The following TRPM3 variants were observed in gnomAD, a reference collection of about 807,000 sequenced individuals.
TRPM3 encodes the protein long transient receptor potential channel 3.
Under a neutral mutation model 181.2 loss-of-function variants are expected in TRPM3, and 77 were observed. The ratio of observed to expected loss-of-function variants is 0.42; its 90% CI spans 0.35 to 0.51. The LOEUF (loss-of-function observed/expected upper bound fraction) is 0.51. Ranked by LOEUF, TRPM3 falls within the 20% of genes least tolerant of loss-of-function variation. The pLI is 0.01. For missense variants in TRPM3, 1,759 were observed against 2,196.7 expected, an observed-to-expected ratio of 0.80 and a Z score of 3.98; for synonymous variants, 745 against 796.4, an observed-to-expected ratio of 0.94 and a Z score of 1.09.
intron 1 of TRPM3, among the ~76,000 whole-genome samples, chr9:71,158,844 G>C (rs2076133719): frequency 6.6e-6 from 1 of 152,080 alleles, no homozygotes; most frequent in African/African-American, 2.4e-5. Context: ...CTGAAAGCAT[G>C]AATAGAACTA....
At chr9:70,555,761 T>C (rs2047539600) in intron 22 of TRPM3, among the ~76,000 whole-genome samples, 1 of 152,190 alleles carries the variant, frequency 6.6e-6, no homozygotes, top group Non-Finnish European at 1.5e-5. Context: ...TCGCACCTAC[T>C]CTACTCACTC....
At chr9:71,271,532 C>T (rs184665366) in intron 1 of TRPM3, among the ~76,000 whole-genome samples, 5 of 151,932 alleles carry the variant, frequency 3.3e-5, no homozygotes, top group Admixed American at 3.3e-4. Context: ...GGTGGCTCAT[C>T]GGCCTCAGAT....
At chr9:71,234,211 A>G (rs1371202548) in intron 1 of TRPM3, among the ~76,000 whole-genome samples, 1 of 152,210 alleles carries the variant, frequency 6.6e-6, no homozygotes, top group Non-Finnish European at 1.5e-5. Context: ...ACGTCCTTAC[A>G]ACATGGCAGT....
intron 1 of TRPM3, among the ~76,000 whole-genome samples, chr9:71,298,472 T>C (rs1230847768): frequency 9.4e-6 from 1 of 106,890 alleles, no homozygotes; most frequent in African/African-American, 3.4e-5. Flanking sequence ...TAATCTGGTC[T>C]TTTTTTTTTT....
intron 1 of TRPM3, among the ~76,000 whole-genome samples, chr9:71,311,751 G>T (rs1056494049): frequency 6.6e-6 from 1 of 151,572 alleles, no homozygotes; most frequent in Non-Finnish European, 1.5e-5. Flanking sequence ...ATTGTCTTGG[G>T]CCACATATCA....
At chr9:70,643,991 G>A (rs1318241977) in intron 9 of TRPM3, among the ~76,000 whole-genome samples, 1 of 152,204 alleles carries the variant, frequency 6.6e-6, no homozygotes, top group Non-Finnish European at 1.5e-5. Flanking sequence ...AGAATACTTT[G>A]TCTTGAGAGC....
At chr9:70,684,652 C>T (rs903522164) in intron 8 of TRPM3, among the ~76,000 whole-genome samples, 2 of 151,774 alleles carry the variant, frequency 1.3e-5, no homozygotes, top group African/African-American at 4.8e-5. Flanking sequence ...TCAATGTTGG[C>T]AGAGATGGAA....
intron 1 of TRPM3, among the ~76,000 whole-genome samples, chr9:71,226,663 G>A (rs1787776761): frequency 1.3e-5 from 2 of 151,752 alleles, no homozygotes; most frequent in African/African-American, 4.8e-5. Flanking sequence ...CATATATACA[G>A]ATATATATAT....
intron 1 of TRPM3, among the ~76,000 whole-genome samples, chr9:71,019,922 T>C (rs1352535912): frequency 3.3e-5 from 5 of 152,176 alleles, no homozygotes; most frequent in Non-Finnish European, 5.9e-5. Context: ...AAAGTTTCAC[T>C]GTAGAACTGT....
At chr9:71,321,600 A>G (rs998736324) in intron 1 of TRPM3, among the ~76,000 whole-genome samples, 3 of 152,184 alleles carry the variant, frequency 2.0e-5, no homozygotes, top group Non-Finnish European at 4.4e-5. Context: ...GCATTTGTTA[A>G]CAAGATGTAA....
rs1565417817 is a variant in TRPM3 at position 71,282,102 on chromosome 9, A to AAAGG, written c.183+164550_183+164551insCCTT. 2.7e-4 allele frequency among the ~76,000 whole-genome samples: 16 copies of AAAGG among 59,700 alleles called. 3 individuals carry two copies. Among genetic ancestry groups the AAAGG allele is most frequent in the East Asian group, 6.5e-4 (1 of 1,546 alleles). 39.2% of individuals were successfully genotyped at this position (59,700 alleles called of 152,430 possible). On this transcript the variant is annotated intron_variant, in intron 1 of 24. Coordinates refer to the TRPM3 transcript ENST00000357533. ...AAAGGAAAGAAAGAGAGAAAGAAAG[A>AAAGG]AAAGAAAGAAAGAAAAAGAAAGAAC...
intron 7 of TRPM3, among the ~76,000 whole-genome samples, chr9:70,778,572 C>G (rs2081906024): frequency 6.6e-6 from 1 of 152,094 alleles, no homozygotes; most frequent in Non-Finnish European, 1.5e-5. Context: ...AAAAAAGAAT[C>G]AAGTTTTGAC....
At chr9:71,162,994 T>C (rs767585894) in intron 1 of TRPM3, among the ~76,000 whole-genome samples, 21 of 152,090 alleles carry the variant, frequency 1.4e-4, no homozygotes, top group Non-Finnish European at 2.5e-4. Context: ...ATGTGGGAAA[T>C]GTTGCTGGAG....
chr9:70,684,385 G>A lies in TRPM3; in HGVS notation c.1273-2807C>T, dbSNP rs372262942. ...TGCTGGTTTCAGAACCCAAGGACCC[G>A]GGAGTGACCCAGGGTGTGGGAGGAA... is the stretch of plus-strand genomic sequence containing the variant. On this transcript the variant is annotated intron_variant, in intron 8 of 25. Coordinates refer to ENST00000677713, the MANE Select transcript of TRPM3 (RefSeq NM_001366145.2). Among the ~76,000 whole-genome samples, 10 of 152,242 alleles carry A rather than the reference G, an allele frequency of 6.6e-5. No homozygotes were observed. The South Asian group carries it at 1.5e-3, about 22-fold the overall frequency.
chr9:71,340,018 G>A (rs1199198888), intron 1 of TRPM3, among the ~76,000 whole-genome samples: 1 of 152,114 alleles, frequency 6.6e-6, no homozygotes, highest in African/African-American at 2.4e-5. Context: ...TTGAAAACAG[G>A]ATTTTGTCTG....
rs183051319 is a variant in TRPM3, at chr9:71,358,123, C to G, written c.183+88530G>C. 3.9e-5 allele frequency among the ~76,000 whole-genome samples: 6 copies of G among 152,250 alleles called. No individual in the cohort carries two copies. The East Asian group carries it at 1.2e-3, about 29-fold the overall frequency. Reference sequence around the variant, plus strand: ...GACTAGAATATGCCAGTCATTTTATCTTCAATAAATTTGATAAGCTTGGGT... The same window carrying G: ...GACTAGAATATGCCAGTCATTTTATGTTCAATAAATTTGATAAGCTTGGGT... On this transcript the variant is annotated intron_variant, in intron 1 of 24. Transcript: ENST00000357533.
chr9:71,339,659 C>T (rs568904156), intron 1 of TRPM3, among the ~76,000 whole-genome samples: 1 of 152,024 alleles, frequency 6.6e-6, no homozygotes, highest in Non-Finnish European at 1.5e-5. Flanking sequence ...CCATACATAG[C>T]GTATGACTCT....
At chr9:71,202,761 CTT>C (rs2078887269) in intron 1 of TRPM3, among the ~76,000 whole-genome samples, 1 of 152,136 alleles carries the variant, frequency 6.6e-6, no homozygotes, top group Non-Finnish European at 1.5e-5. Flanking sequence ...AACTATGTCA[CTT>C]ATAAAACCCT....
intron 6 of TRPM3, among the ~76,000 whole-genome samples, chr9:70,792,370 A>C (rs573723788): frequency 6.6e-6 from 1 of 152,182 alleles, no homozygotes; most frequent in African/African-American, 2.4e-5. Flanking sequence ...ATGCAGGTAG[A>C]AAACAAAGGA....
Sources: allele counts gnomAD v4.1 joint callset (sites outside exome capture counted in the v4.1 genomes callset), GRCh38; gene constraint gnomAD v4.1.1; transcripts MANE v1.5; gene names NCBI Gene and HGNC (gene_info 2026-07-23, HGNC 2026-07-21).